PLEKHH2: variants seen among roughly 807,000 people sequenced by gnomAD.
PLEKHH2 encodes pleckstrin homology, MyTH4 and FERM domain containing H2.
A neutral mutation model predicts 187.9 loss-of-function variants in PLEKHH2; 129 were observed. The observed-to-expected ratio is 0.69, with a 90% confidence interval of 0.59 to 0.79. PLEKHH2 has a LOEUF of 0.79. Among genes scored for constraint, PLEKHH2 ranks in the 30% least tolerant of loss-of-function variants. The pLI, the probability that PLEKHH2 is intolerant of heterozygous loss-of-function variation, is 0.00. For synonymous variants in PLEKHH2, 686 were observed against 605.6 expected, an observed-to-expected ratio of 1.13 and a Z score of -1.95; for missense variants, 2,076 against 1,751.2, an observed-to-expected ratio of 1.19 and a Z score of -3.31.
At chr2:43,655,473 C>A (rs999426986) in intron 2 of PLEKHH2, among the ~76,000 whole-genome samples, 3 of 152,070 alleles carry the variant, frequency 2.0e-5, no homozygotes, top group African/African-American at 7.3e-5. Flanking sequence ...GAACAGAAAC[C>A]AGCACCTTCA....
chr2:43,667,711 C>T (rs1667282215), intron 2 of PLEKHH2, among the ~76,000 whole-genome samples: 1 of 152,134 alleles, frequency 6.6e-6, no homozygotes, highest in African/African-American at 2.4e-5. Flanking sequence ...TATAGGAATC[C>T]ATTCATATGA....
intron 3 of PLEKHH2, among the ~76,000 whole-genome samples, chr2:43,691,201 G>C (rs1210306949): frequency 6.6e-6 from 1 of 152,056 alleles, no homozygotes; most frequent in African/African-American, 2.4e-5. Context: ...CTTGTCTCAC[G>C]ACCAGGAAGA....
At chr2:43,757,973 T>C (rs1246553764) in intron 26 of PLEKHH2, among the ~76,000 whole-genome samples, 1 of 152,196 alleles carries the variant, frequency 6.6e-6, no homozygotes, top group African/African-American at 2.4e-5. Flanking sequence ...TACAAAAGAC[T>C]TTTTAATATA....
intron 3 of PLEKHH2, 200 bp from the exon 4 acceptor site, chr2:43,692,314 G>C: frequency 2.4e-6 from 1 of 415,174 alleles, no homozygotes; most frequent in Non-Finnish European, 4.3e-6. Context: ...TCTTATGTTT[G>C]TATGTACCTC....
intron 15 of PLEKHH2, 79 bp downstream of exon 15, chr2:43,712,462 G>A (rs1455176758): frequency 1.4e-6 from 2 of 1,470,000 alleles, no homozygotes; most frequent in African/African-American, 1.4e-5. Flanking sequence ...GGATGTCAGA[G>A]CATATACATA....
rs1157346377 is a variant in PLEKHH2 at position 43,743,981 on chromosome 2, A to G, written c.3547A>G (p.Asn1183Asp). 1.9e-6 allele frequency: 3 copies of G among 1,613,488 alleles called. No homozygotes were observed. In the African/African-American group the frequency reaches 4.0e-5, roughly 22 times the overall value. The change falls in exon 23 of 30, where the codon AAC (asparagine) becomes GAC (aspartate). Residue 1183 changes from asparagine to aspartate, a missense_variant. Coordinates refer to ENST00000282406, the MANE Select transcript of PLEKHH2 (RefSeq NM_172069.4). ...AGATTTAGAGCATTGTCTTCAAGGA[A>G]ACATCAAGGTGAAACCAAGTCCTTT... is the stretch of plus-strand genomic sequence containing the variant. The part of the protein sequence containing the change: ...GRDLEHCLQG[N>D]IKICDIISKW...
intron 24 of PLEKHH2, 44 bp from the exon 25 acceptor site, chr2:43,753,575 G>C: frequency 7.3e-7 from 1 of 1,374,608 alleles, no homozygotes; most frequent in Non-Finnish European, 9.6e-7. Flanking sequence ...TTATTTCCTT[G>C]TAAGAATATA....
Position 43,706,308 on chromosome 2 carries a change from T to C in PLEKHH2, c.1727-14T>C. The C allele has an allele frequency of 6.4e-7, 1 of 1,560,440 alleles. No individual in the cohort carries two copies. Among genetic ancestry groups the C allele is most frequent in the Non-Finnish European group, 8.8e-7 (1 of 1,133,524 alleles). On this transcript the variant is annotated splice_polypyrimidine_tract_variant and intron_variant, in intron 9 of 29. Coordinates refer to ENST00000282406, the MANE Select transcript of PLEKHH2 (RefSeq NM_172069.4). ...AAGTTTTTTAAAATGTTGTTTCCTG[T>C]TTTTCTGTTTCAGATTCTGCTGCAA...
intron 3 of PLEKHH2, chr2:43,681,225 T>C (rs1434058020): frequency 1.4e-5 from 9 of 657,522 alleles, no homozygotes; most frequent in Non-Finnish European, 2.4e-5. Flanking sequence ...CCATGTATTA[T>C]TAAAGCGATC....
chr2:43,682,164 A>G (rs1269194531), intron 3 of PLEKHH2, among the ~76,000 whole-genome samples: 1 of 152,238 alleles, frequency 6.6e-6, no homozygotes, highest in Non-Finnish European at 1.5e-5. Flanking sequence ...CTTAAAAATC[A>G]TAACCACAAT....
chr2:43,638,464 G>A (rs1703221807), intron 1 of PLEKHH2, among the ~76,000 whole-genome samples: 1 of 152,126 alleles, frequency 6.6e-6, no homozygotes, highest in African/African-American at 2.4e-5. Flanking sequence ...GAGATTCAGA[G>A]AAAAGAGCAT....
Position 43,764,372 on chromosome 2 carries a change from A to G in PLEKHH2, c.4296+7A>G, listed in dbSNP as rs1212444220. The G allele has an allele frequency of 3.1e-6, 5 of 1,612,262 alleles. No individual in the cohort carries two copies. Among genetic ancestry groups the G allele is most frequent in the Non-Finnish European group, 2.5e-6 (3 of 1,179,132 alleles). On this transcript the variant is annotated splice_region_variant and intron_variant, in intron 29 of 29. Coordinates refer to ENST00000282406, the MANE Select transcript of PLEKHH2 (RefSeq NM_172069.4). Reference sequence around the variant, plus strand: ...TGCCATGGCAAAACCCAAGGTGAGTAGAAGCCTTTCTGCCAACTTTTTTGT... The same window carrying G: ...TGCCATGGCAAAACCCAAGGTGAGTGGAAGCCTTTCTGCCAACTTTTTTGT...
At chr2:43,693,656 G>A (rs1668940648) in intron 4 of PLEKHH2, among the ~76,000 whole-genome samples, 2 of 146,422 alleles carry the variant, frequency 1.4e-5, no homozygotes, top group Admixed American at 1.4e-4. Context: ...CCCAGGAGGT[G>A]GAGCTTGCAG....
At chr2:43,697,381 C>T (rs1377420154) in intron 7 of PLEKHH2, 25 bp downstream of exon 7, 2 of 1,548,784 alleles carry the variant, frequency 1.3e-6, no homozygotes, top group African/African-American at 1.4e-5. Flanking sequence ...CAGGAATTGA[C>T]TTTGGCATTT....
Position 43,757,240 on chromosome 2 carries a change from A to G in PLEKHH2, c.3917A>G (p.Asp1306Gly), listed in dbSNP as rs1231779238. 2 of 1,587,422 alleles carry G rather than the reference A, an allele frequency of 1.3e-6. No individual in the cohort carries two copies. Among genetic ancestry groups the G allele is most frequent in the Non-Finnish European group, 1.7e-6 (2 of 1,169,510 alleles). Residue 1306 changes from aspartate (D) to glycine (G), a missense_variant, in exon 26 of 30, where the codon GAT becomes GGT. Transcript: ENST00000282406. ...IEKFYPKRYR[D>G]GCSEEQLRQL... ...AAATTTTATCCTAAAAGGTATAGAGATGGCTGTTCTGAAGAGCAGTTAAGG... is the reference window on the plus strand; with the variant it reads ...AAATTTTATCCTAAAAGGTATAGAGGTGGCTGTTCTGAAGAGCAGTTAAGG...
rs1440679150 is a variant in PLEKHH2, at chr2:43,741,037, A to G, written c.3215A>G (p.Asp1072Gly). Reference protein sequence around the residue: ...LLRLHLKRNADSRTEFGKYAI... With the variant: ...LLRLHLKRNAGSRTEFGKYAI... Reference sequence around the variant, plus strand: ...AGGCTTCACCTAAAGAGGAATGCAGATTCCAGGTGTGCAGAATACTAGCCA... The same window carrying G: ...AGGCTTCACCTAAAGAGGAATGCAGGTTCCAGGTGTGCAGAATACTAGCCA... The change falls in exon 21 of 30, where the codon GAT (aspartate) becomes GGT (glycine). Residue 1072 changes from aspartate to glycine, a missense_variant. Coordinates refer to ENST00000282406, the MANE Select transcript of PLEKHH2 (RefSeq NM_172069.4). 3.1e-6 allele frequency: 5 copies of G among 1,611,306 alleles called. No individual in the cohort carries two copies. Among genetic ancestry groups the G allele is most frequent in the Non-Finnish European group, 4.2e-6 (5 of 1,177,676 alleles).
chr2:43,698,558 C>CT (rs1255081165), intron 7 of PLEKHH2, among the ~76,000 whole-genome samples: 2 of 151,800 alleles, frequency 1.3e-5, no homozygotes, highest in Admixed American at 6.6e-5. Flanking sequence ...CTACTTGCAT[C>CT]TTTTTTTTGC....
intron 2 of PLEKHH2, among the ~76,000 whole-genome samples, chr2:43,651,785 T>C (rs952341332): frequency 6.6e-6 from 1 of 152,218 alleles, no homozygotes; most frequent in Non-Finnish European, 1.5e-5. Context: ...TCCTGTCTCA[T>C]AGCATAGCTG....
intron 1 of PLEKHH2, 74 bp from the exon 2 acceptor site, chr2:43,644,597 C>A: frequency 8.3e-7 from 1 of 1,201,730 alleles, no homozygotes; most frequent in Non-Finnish European, 1.1e-6. Context: ...ACAAATTATC[C>A]TGAATATTAA....
Sources: allele counts gnomAD v4.1 joint callset (sites outside exome capture counted in the v4.1 genomes callset), GRCh38; gene constraint gnomAD v4.1.1; transcripts MANE v1.5; gene names NCBI Gene and HGNC (gene_info 2026-07-23, HGNC 2026-07-21).